PCDH9: variants seen among roughly 807,000 people sequenced by gnomAD.
PCDH9 encodes protocadherin 9.
PCDH9 carries 24 observed loss-of-function variants against 70.6 expected under a neutral mutation model. That is an observed-to-expected ratio of 0.34 (90% CI 0.25 to 0.48). PCDH9 has a LOEUF of 0.48. Ranked by LOEUF, PCDH9 falls within the 20% of genes least tolerant of loss-of-function variation. The probability of loss-of-function intolerance (pLI) is 0.99; values close to 1 mark genes in which losing one functional copy is unlikely to be tolerated. For missense variants in PCDH9, 1,281 were observed against 1,503.6 expected (o/e 0.85, Z 2.45); for synonymous variants, 562 against 558.5 (o/e 1.01, Z -0.09).
At chr13:66,817,249 T>C (rs547565426) in intron 3 of PCDH9, among the ~76,000 whole-genome samples, 2 of 152,244 alleles carry the variant, frequency 1.3e-5, no homozygotes, top group African/African-American at 4.8e-5. Context: ...GCATAACATA[T>C]TAATGAGGTC....
intron 2 of PCDH9, among the ~76,000 whole-genome samples, chr13:66,921,751 G>C (rs867276733): frequency 3.8e-4 from 57 of 151,442 alleles, no homozygotes; most frequent in African/African-American, 1.4e-3. Context: ...AAGGGGAATT[G>C]TTATCTGACT....
chr13:66,602,568 A>G (rs1344602479), intron 4 of PCDH9, among the ~76,000 whole-genome samples: 2 of 146,182 alleles, frequency 1.4e-5, no homozygotes, highest in African/African-American at 2.5e-5. Flanking sequence ...ACAGCTGTAC[A>G]ATGTATCTGT....
chr13:67,116,370 C>A (rs990581573), intron 2 of PCDH9, among the ~76,000 whole-genome samples: 1 of 152,058 alleles, frequency 6.6e-6, no homozygotes, highest in African/African-American at 2.4e-5. Flanking sequence ...GAGATCCTGA[C>A]AAAATTTGAT....
chr13:66,946,801 T>A (rs1323915), intron 2 of PCDH9, among the ~76,000 whole-genome samples: 2,530 of 152,144 alleles, frequency 0.017, 61 homozygotes, highest in African/African-American at 0.058. Context: ...CCAAAAGGTA[T>A]AATATATAGT....
chr13:66,430,229 T>C (rs1369022642), intron 4 of PCDH9, among the ~76,000 whole-genome samples: 1 of 152,098 alleles, frequency 6.6e-6, no homozygotes, highest in African/African-American at 2.4e-5. Flanking sequence ...TTTTTACTAA[T>C]GACAGACACA....
chr13:66,902,316 C>A (rs576055382), intron 3 of PCDH9, among the ~76,000 whole-genome samples: 1 of 151,424 alleles, frequency 6.6e-6, no homozygotes, highest in Non-Finnish European at 1.5e-5. Flanking sequence ...TAGAGCTGTT[C>A]GAAATATTGC....
At chr13:66,469,256 T>C (rs1042826865) in intron 4 of PCDH9, among the ~76,000 whole-genome samples, 1 of 152,116 alleles carries the variant, frequency 6.6e-6, no homozygotes, top group Non-Finnish European at 1.5e-5. Flanking sequence ...GGTAGTAACG[T>C]ACCTGTTTGC....
rs79480426 is a variant in PCDH9, at chr13:66,571,612, T to C, written c.3340+59598A>G. ...TCCAGGCTACCATCCTCATTATCGC[T>C]TGATAGTTCAACGGCTAAAAGACTG... On this transcript the variant is annotated intron_variant, in intron 4 of 4. Transcript: ENST00000377865. Among the ~76,000 whole-genome samples, 1,007 of 152,166 alleles carry C rather than the reference T, an allele frequency of 6.6e-3. 11 individuals are homozygous for C. Among genetic ancestry groups the C allele is most frequent in the African/African-American group, 0.022 (918 of 41,536 alleles).
chr13:66,483,693 T>A (rs1958883457), intron 4 of PCDH9, among the ~76,000 whole-genome samples: 2 of 152,172 alleles, frequency 1.3e-5, no homozygotes, highest in South Asian at 4.1e-4. Context: ...TAAGTGATAC[T>A]GAAGTGGAGG....
At chr13:66,421,863 C>A (rs145011400) in intron 4 of PCDH9, among the ~76,000 whole-genome samples, 1 of 152,212 alleles carries the variant, frequency 6.6e-6, no homozygotes, top group Non-Finnish European at 1.5e-5. Flanking sequence ...CACAGACTGG[C>A]AAATTGGATA....
At chr13:66,911,548 A>G (rs1415180129) in intron 2 of PCDH9, among the ~76,000 whole-genome samples, 1 of 152,182 alleles carries the variant, frequency 6.6e-6, no homozygotes, top group East Asian at 1.9e-4. Context: ...GTTTTATGCA[A>G]TTCTTTTAAC....
intron 4 of PCDH9, among the ~76,000 whole-genome samples, chr13:66,410,134 CT>C (rs1378018229): frequency 6.6e-6 from 1 of 150,866 alleles, no homozygotes; most frequent in Non-Finnish European, 1.5e-5. Context: ...TTATTTTTAT[CT>C]GTTATTGTAA....
At chr13:66,814,916 A>T (rs944612686) in intron 3 of PCDH9, among the ~76,000 whole-genome samples, 1 of 152,180 alleles carries the variant, frequency 6.6e-6, no homozygotes, top group African/African-American at 2.4e-5. Context: ...AATGAAACCA[A>T]ATTAAAATAA....
intron 2 of PCDH9, among the ~76,000 whole-genome samples, chr13:67,061,295 T>C (rs1370408378): frequency 6.6e-6 from 1 of 152,056 alleles, no homozygotes. Flanking sequence ...AACAGGCTTT[T>C]TTTTCTGTTT....
Position 66,603,005 on chromosome 13 carries a change from C to T in PCDH9, c.3340+28205G>A, listed in dbSNP as rs145444011. 2.5e-4 allele frequency among the ~76,000 whole-genome samples: 37 copies of T among 145,746 alleles called. 2 individuals carry two copies. The highest frequency in any genetic ancestry group is 8.4e-4 in the African/African-American group (34 of 40,508). On this transcript the variant is annotated intron_variant, in intron 4 of 4. Coordinates refer to ENST00000377865, the MANE Select transcript of PCDH9 (RefSeq NM_203487.3). ...ACCTTGTAGACTAGGAGTGTGTAGG[C>T]GATACCATCTAGGTTTGTGTAAGTA...
Position 67,171,400 on chromosome 13 carries a change from C to T in PCDH9, c.3036+54005G>A, listed in dbSNP as rs1388745696. Among the ~76,000 whole-genome samples the T allele has an allele frequency of 3.3e-5, 5 of 152,108 alleles. No homozygotes were observed. In the East Asian group the frequency reaches 9.7e-4, roughly 29 times the overall value. ...TGCTTTTGGAGGACTAGACTGTCACCAATCATTAACCCTCACTCTCTGGGA... is the reference window on the plus strand; with the variant it reads ...TGCTTTTGGAGGACTAGACTGTCACTAATCATTAACCCTCACTCTCTGGGA... On this transcript the variant is annotated intron_variant, in intron 2 of 4. Coordinates refer to ENST00000377865, the MANE Select transcript of PCDH9 (RefSeq NM_203487.3).
chr13:67,193,996 T>C (rs2088990297), intron 2 of PCDH9, among the ~76,000 whole-genome samples: 1 of 152,094 alleles, frequency 6.6e-6, no homozygotes, highest in Non-Finnish European at 1.5e-5. Context: ...TACCTATAGG[T>C]TATTTACATT....
At chr13:66,590,552 C>T (rs1476318726) in intron 4 of PCDH9, among the ~76,000 whole-genome samples, 5 of 151,796 alleles carry the variant, frequency 3.3e-5, no homozygotes, top group African/African-American at 1.2e-4. Flanking sequence ...AATGAAGGTC[C>T]TTTCAAGGAA....
chr13:66,366,971 T>C (rs980682187), intron 4 of PCDH9, among the ~76,000 whole-genome samples: 11 of 152,146 alleles, frequency 7.2e-5, no homozygotes, highest in African/African-American at 2.7e-4. Flanking sequence ...TCTGTGGTTA[T>C]GTTTAGCAAG....
Sources: gnomAD v4.1 joint callset for allele counts (sites outside exome capture counted in the v4.1 genomes callset) on GRCh38, gnomAD v4.1.1 for gene constraint, MANE v1.5 for transcripts, NCBI Gene and HGNC (gene_info 2026-07-23, HGNC 2026-07-21) for gene names.